NBAS: variants seen among roughly 807,000 people sequenced by gnomAD.
NBAS encodes NAG/BC035112 fusion.
In NBAS, 219 loss-of-function variants were observed where a neutral mutation model predicts 302.5. That is an observed-to-expected ratio of 0.72 (90% CI 0.65 to 0.81). NBAS has a LOEUF of 0.81. NBAS is among the 30% of genes least tolerant of loss of function. NBAS has a pLI of 0.00. For missense variants in NBAS, 2,932 were observed against 2,841.6 expected (o/e 1.03, Z -0.72); for synonymous variants, 1,118 against 1,021.6 (o/e 1.09, Z -1.80).
At chr2:15,550,591 C>CT (rs34088172) in intron 6 of NBAS, among the ~76,000 whole-genome samples, 86,400 of 144,176 alleles carry the variant, frequency 0.6, 26,692 homozygotes, top group Non-Finnish European at 0.67. Context: ...TCTGTCTTTT[C>CT]TTTTTTTTTT....
At chr2:15,166,329 G>A (rs1033770140), downstream of NBAS, among the ~76,000 whole-genome samples, 2 of 152,184 alleles carry the variant, frequency 1.3e-5, no homozygotes, top group Non-Finnish European at 2.9e-5. Flanking sequence ...GACATGAAAT[G>A]TGTCAACCTG....
chr2:15,311,526 G>A (rs1464148334), intron 38 of NBAS, among the ~76,000 whole-genome samples: 5 of 152,106 alleles, frequency 3.3e-5, no homozygotes, highest in Non-Finnish European at 7.4e-5. Flanking sequence ...GTGCAACAGA[G>A]ACAATTATTT....
In NBAS at chr2:15,328,207, C is replaced by A; in HGVS notation, c.4453G>T (p.Val1485Phe). ...AGACACGCTGTCCTTACCTCAGCGA[C>A]AAAAGGATTTGAGATGACAGATTCA... ...FYESVISNPF[V>F]AESEGTYDTY... Residue 1485 changes from valine (V) to phenylalanine (F), a missense_variant, in exon 37 of 52, where the codon GTC (valine) becomes TTC (phenylalanine). Physicochemically the swap from Val to Phe is conservative, Grantham distance 50. Transcript: ENST00000281513. 6.2e-7 allele frequency: 1 copy of A among 1,613,478 alleles called. No individual in the cohort carries two copies. Among genetic ancestry groups the A allele is most frequent in the Non-Finnish European group, 8.5e-7 (1 of 1,179,566 alleles).
chr2:15,184,540 T>G (rs540479944), intron 50 of NBAS, among the ~76,000 whole-genome samples: 1 of 152,012 alleles, frequency 6.6e-6, no homozygotes, highest in Non-Finnish European at 1.5e-5. Context: ...TAGTTCACAA[T>G]AGAGCTTGTG....
intron 41 of NBAS, 92 bp downstream of exon 41, chr2:15,292,445 C>A: frequency 7.4e-7 from 1 of 1,355,368 alleles, no homozygotes; most frequent in Non-Finnish European, 1.0e-6. Flanking sequence ...GAATGTAAAA[C>A]TTCAAAGGAC....
the NBAS span, among the ~76,000 whole-genome samples, chr2:14,933,414 C>A: frequency 6.6e-6 from 1 of 152,112 alleles, no homozygotes; most frequent in East Asian, 1.9e-4. Context: ...AAGCACACAA[C>A]CTAAACCTTA....
chr2:14,789,442 G>A, the NBAS span, among the ~76,000 whole-genome samples: 1 of 152,176 alleles, frequency 6.6e-6, no homozygotes, highest in African/African-American at 2.4e-5. Context: ...GCTGGGAGCT[G>A]TAGACCGGAG....
chr2:15,331,468 G>A (rs1672345495), intron 35 of NBAS, among the ~76,000 whole-genome samples: 1 of 152,132 alleles, frequency 6.6e-6, no homozygotes, highest in Non-Finnish European at 1.5e-5. Context: ...TAACTTCCTA[G>A]TTTAGTGTCT....
chr2:15,406,030 C>A (rs1676390400), intron 25 of NBAS, among the ~76,000 whole-genome samples: 1 of 141,754 alleles, frequency 7.1e-6, no homozygotes, highest in Non-Finnish European at 1.6e-5. Flanking sequence ...AATAAAATAC[C>A]AATAAGCAAT....
chr2:15,347,909 T>C (rs1235051961), intron 35 of NBAS, among the ~76,000 whole-genome samples: 1 of 152,206 alleles, frequency 6.6e-6, no homozygotes, highest in African/African-American at 2.4e-5. Context: ...GTCGGCTCCA[T>C]TTGTACTAAC....
chr2:14,864,276 G>C, the NBAS span, among the ~76,000 whole-genome samples: 1 of 146,652 alleles, frequency 6.8e-6, no homozygotes, highest in African/African-American at 2.6e-5. Context: ...AGCTGAGATT[G>C]CATCACTGCA....
chr2:14,919,888 A>C, the NBAS span, among the ~76,000 whole-genome samples: 6 of 152,236 alleles, frequency 3.9e-5, no homozygotes, highest in South Asian at 1.0e-3. Flanking sequence ...GAACTCCCCA[A>C]AGTCATTCAT....
chr2:14,814,800 A>G, the NBAS span, among the ~76,000 whole-genome samples: 3 of 152,080 alleles, frequency 2.0e-5, no homozygotes, highest in Non-Finnish European at 4.4e-5. Context: ...GGGGAATGAC[A>G]TGGTTTGGCT....
intron 21 of NBAS, among the ~76,000 whole-genome samples, chr2:15,451,391 G>A (rs1196737162): frequency 6.6e-6 from 1 of 151,834 alleles, no homozygotes; most frequent in Non-Finnish European, 1.5e-5. Flanking sequence ...AGTCCATTTT[G>A]GTGTCAATAA....
At chr2:15,558,457 AAT>A (rs1454584210) in intron 2 of NBAS, 121 bp downstream of exon 2, 9 of 677,098 alleles carry the variant, frequency 1.3e-5, no homozygotes, top group African/African-American at 9.1e-5. Flanking sequence ...TGTATATATA[AAT>A]ATATATATAA....
the NBAS span, among the ~76,000 whole-genome samples, chr2:15,067,787 A>G: frequency 2.0e-5 from 3 of 152,200 alleles, no homozygotes; most frequent in Non-Finnish European, 4.4e-5. Flanking sequence ...TGTGTTATGC[A>G]ATCACAAATT....
At chr2:14,790,107 A>T in the NBAS span, among the ~76,000 whole-genome samples, 1 of 152,244 alleles carries the variant, frequency 6.6e-6, no homozygotes, top group South Asian at 2.1e-4. Context: ...TGAGTCCAAG[A>T]TTATACAGCC....
chr2:15,182,886 A>C (rs1004700337), intron 50 of NBAS, among the ~76,000 whole-genome samples: 3 of 152,158 alleles, frequency 2.0e-5, no homozygotes, highest in Non-Finnish European at 4.4e-5. Flanking sequence ...CATTCTGAGG[A>C]GTCGTGAATT....
the NBAS span, among the ~76,000 whole-genome samples, chr2:15,047,533 G>GAAGGCTGGACCCATGCAGGTA: frequency 9.0e-6 from 1 of 110,876 alleles, no homozygotes; most frequent in African/African-American, 3.5e-5. Context: ...CCGGGCAGAT[G>GAAGGCTGGACCCATGCAGGTA]AAGGCTGGAC....
Sources: gnomAD v4.1 joint callset for allele counts (sites outside exome capture counted in the v4.1 genomes callset) on GRCh38, gnomAD v4.1.1 for gene constraint, MANE v1.5 for transcripts, NCBI Gene and HGNC (gene_info 2026-07-23, HGNC 2026-07-21) for gene names.